The following SLC24A4 variants were observed in gnomAD, a reference collection of about 807,000 sequenced individuals.
The protein encoded by SLC24A4 is sodium/potassium/calcium exchanger 4.
A neutral mutation model predicts 79.0 loss-of-function variants in SLC24A4; 53 were observed. The ratio of observed to expected loss-of-function variants is 0.67; its 90% CI spans 0.54 to 0.84. The LOEUF (loss-of-function observed/expected upper bound fraction) is 0.84, where lower values mean the gene tolerates loss of function less well. SLC24A4 is among the 40% of genes least tolerant of loss of function. The probability of loss-of-function intolerance (pLI) is 0.00; values close to 1 mark genes in which losing one functional copy is unlikely to be tolerated. For missense variants in SLC24A4, 731 were observed against 822.0 expected, an observed-to-expected ratio of 0.89 and a Z score of 1.35; for synonymous variants, 323 against 323.8, an observed-to-expected ratio of 1.00 and a Z score of 0.03.
chr14:92,435,061 A>G lies in SLC24A4; in HGVS notation c.318+1073A>G, dbSNP rs574884740. On this transcript the variant is annotated intron_variant, in intron 3 of 16. Coordinates refer to ENST00000532405, the MANE Select transcript of SLC24A4 (RefSeq NM_153646.4). ...AGTGCTGGGACTACAGGTGTGAGCC[A>G]CCGTCCCCGGCCCACTTAAAGTATT... 3.6e-4 allele frequency among the ~76,000 whole-genome samples: 55 copies of G among 152,298 alleles called. 1 individual carries two copies. The Middle Eastern group carries it at 0.017, about 47-fold the overall frequency.
chr14:92,418,474 T>C (rs61977271), intron 2 of SLC24A4, among the ~76,000 whole-genome samples: 24,863 of 152,106 alleles, frequency 0.16, 2,290 homozygotes, highest in East Asian at 0.24. Flanking sequence ...CACAAACATG[T>C]CCTGTATCTA....
chr14:92,445,972 G>A (rs904227445), intron 8 of SLC24A4, among the ~76,000 whole-genome samples: 1 of 152,222 alleles, frequency 6.6e-6, no homozygotes, highest in African/African-American at 2.4e-5. Flanking sequence ...TGAGGTGGGA[G>A]AATGGCTTGC....
At chr14:92,442,889 G>A (rs1279319420) in intron 6 of SLC24A4, 73 bp downstream of exon 6, 1 of 1,316,948 alleles carries the variant, frequency 7.6e-7, no homozygotes, top group Non-Finnish European at 1.1e-6. Flanking sequence ...ATGACAAGAG[G>A]TTGGGGTAGC....
At chr14:92,358,163 G>T (rs79544202) in intron 2 of SLC24A4, among the ~76,000 whole-genome samples, 4,476 of 152,286 alleles carry the variant, frequency 0.029, 85 homozygotes, top group Non-Finnish European at 0.047. Flanking sequence ...ACCTAGAGGG[G>T]ACACAAAGTG....
Position 92,453,976 on chromosome 14 carries a change from C to T in SLC24A4, c.957C>T (p.Phe319=), listed in dbSNP as rs750133351. ...TTATGAGCTCCAGCCCTCCCAAGTT[C>T]ACCTTCCCTGAAGCAGGCTTACGAA... ...DEIMSSSPPK[F]TFPEAGLRIM... is the part of the protein sequence containing the mutation. Residue 319 remains phenylalanine, a synonymous_variant, in exon 11 of 17, where the codon TTC becomes TTT. Coordinates refer to ENST00000532405, the MANE Select transcript of SLC24A4 (RefSeq NM_153646.4). 2 of 1,613,864 alleles carry T rather than the reference C, an allele frequency of 1.2e-6. No individual in the cohort carries two copies. Among genetic ancestry groups the T allele is most frequent in the East Asian group, 4.5e-5 (2 of 44,866 alleles).
At chr14:92,366,923 C>T (rs975691110) in intron 2 of SLC24A4, among the ~76,000 whole-genome samples, 5 of 152,120 alleles carry the variant, frequency 3.3e-5, no homozygotes, top group South Asian at 2.1e-4. Flanking sequence ...CTAGTAAGGG[C>T]GTGCCAGGAC....
At chr14:92,460,402 A>AGT (rs1893732904) in intron 12 of SLC24A4, among the ~76,000 whole-genome samples, 1 of 152,164 alleles carries the variant, frequency 6.6e-6, no homozygotes, top group Non-Finnish European at 1.5e-5. Context: ...TGTGAATCCT[A>AGT]GTGTGCTTTA....
chr14:92,334,208 G>C (rs1885644473), intron 2 of SLC24A4, among the ~76,000 whole-genome samples: 1 of 152,202 alleles, frequency 6.6e-6, no homozygotes, highest in African/African-American at 2.4e-5. Flanking sequence ...CTATGGGCAG[G>C]GAAATCACAG....
intron 2 of SLC24A4, among the ~76,000 whole-genome samples, chr14:92,372,349 G>A (rs72695119): frequency 0.054 from 8,219 of 152,216 alleles, 283 homozygotes; most frequent in South Asian, 0.074. Context: ...AGTCCATGGC[G>A]TGGCCAGCTC....
rs1886986141 is a variant in SLC24A4 at position 92,353,181 on chromosome 14, A to G, written c.241+27203A>G. On this transcript the variant is annotated intron_variant, in intron 2 of 16. Coordinates refer to ENST00000532405, the MANE Select transcript of SLC24A4 (RefSeq NM_153646.4). The surrounding 1 kb of genome is among the most constrained non-coding windows in gnomAD (Gnocchi z 4.1). The stretch of plus-strand genomic sequence containing the variant: ...CCTATGTGATGGCTCAAATATTTCA[A>G]GCTGTCATCAGGAGCATGACATACT... Among the ~76,000 whole-genome samples, 1 of 152,214 alleles carries G rather than the reference A, an allele frequency of 6.6e-6. No homozygotes were observed. Among genetic ancestry groups the G allele is most frequent in the Admixed American group, 6.5e-5 (1 of 15,286 alleles).
chr14:92,473,825 G>A (rs1207568807), intron 12 of SLC24A4, among the ~76,000 whole-genome samples: 1 of 152,226 alleles, frequency 6.6e-6, no homozygotes, highest in Non-Finnish European at 1.5e-5. Flanking sequence ...CTCAGGGACA[G>A]GCTCTGATTG....
chr14:92,425,477 G>A (rs1891515267), intron 2 of SLC24A4, among the ~76,000 whole-genome samples: 1 of 152,186 alleles, frequency 6.6e-6, no homozygotes, highest in Non-Finnish European at 1.5e-5. Context: ...GGCAAAACAT[G>A]ACCATTTTGG....
intron 2 of SLC24A4, among the ~76,000 whole-genome samples, chr14:92,329,130 G>T (rs569527364): frequency 1.3e-5 from 2 of 152,360 alleles, no homozygotes; most frequent in South Asian, 4.1e-4. Context: ...TTGCCCCCAT[G>T]AATTAGAGGG....
chr14:92,444,686 C>G (rs1892689575), intron 7 of SLC24A4, among the ~76,000 whole-genome samples: 1 of 152,116 alleles, frequency 6.6e-6, no homozygotes, highest in Non-Finnish European at 1.5e-5. Flanking sequence ...GAAACCTTGT[C>G]TCTACTAAAA....
intron 3 of SLC24A4, among the ~76,000 whole-genome samples, chr14:92,435,680 A>G (rs568764115): frequency 1.3e-5 from 2 of 152,372 alleles, no homozygotes; most frequent in East Asian, 3.9e-4. Flanking sequence ...GTATTCCCAC[A>G]TAGGTAGTAA....
chr14:92,472,629 T>C (rs1415041452), intron 12 of SLC24A4, among the ~76,000 whole-genome samples: 1 of 152,194 alleles, frequency 6.6e-6, no homozygotes, highest in Non-Finnish European at 1.5e-5. Context: ...TGTGCACATA[T>C]CTGTGAACAT....
chr14:92,418,651 G>A (rs1009848650), intron 2 of SLC24A4, among the ~76,000 whole-genome samples: 2 of 152,168 alleles, frequency 1.3e-5, no homozygotes, highest in African/African-American at 4.8e-5. Context: ...TCTTCCCCAA[G>A]AAACCTCAGT....
intron 2 of SLC24A4, among the ~76,000 whole-genome samples, chr14:92,409,769 A>G (rs948051016): frequency 6.6e-6 from 1 of 152,162 alleles, no homozygotes; most frequent in Non-Finnish European, 1.5e-5. Flanking sequence ...CACAATAGCA[A>G]AGACATGCAA....
chr14:92,437,422 G>A (rs1205917444), intron 3 of SLC24A4, among the ~76,000 whole-genome samples: 1 of 152,270 alleles, frequency 6.6e-6, no homozygotes, highest in African/African-American at 2.4e-5. Flanking sequence ...CACAGGATGA[G>A]CTCAGTGAAG....
Sources: gnomAD v4.1 joint callset for allele counts (sites outside exome capture counted in the v4.1 genomes callset) on GRCh38, gnomAD v4.1.1 for gene constraint, Gnocchi (gnomAD v3.1) non-coding constraint, MANE v1.5 for transcripts, NCBI Gene and HGNC (gene_info 2026-07-23, HGNC 2026-07-21) for gene names.